The following HLTF variants were observed in gnomAD, a reference collection of about 807,000 sequenced individuals.
HLTF encodes helicase like transcription factor.
Under a neutral mutation model 129.4 loss-of-function variants are expected in HLTF, and 127 were observed. The observed-to-expected ratio is 0.98, with a 90% CI of 0.85 to 1.14. The LOEUF (loss-of-function observed/expected upper bound fraction) is 1.14, where lower values mean the gene tolerates loss of function less well. Ranked by LOEUF, HLTF falls within the 50% of genes most tolerant of loss-of-function variation. The pLI is 0.00. For synonymous variants in HLTF, 332 were observed against 388.8 expected, an observed-to-expected ratio of 0.85 and a Z score of 1.72; for missense variants, 1,139 against 1,187.1, an observed-to-expected ratio of 0.96 and a Z score of 0.60.
chr3:149,057,046 C>G (rs1717505235), intron 13 of HLTF, among the ~76,000 whole-genome samples: 2 of 132,892 alleles, frequency 1.5e-5, no homozygotes, highest in Non-Finnish European at 3.1e-5. Flanking sequence ...GGGGGCGGAG[C>G]CTGCAGTGAG....
intron 2 of HLTF, among the ~76,000 whole-genome samples, chr3:149,084,439 TACCC>T: frequency 1.3e-5 from 2 of 152,122 alleles, no homozygotes; most frequent in African/African-American, 4.8e-5. Context: ...GGTGGGGTGC[TACCC>T]ATAATAACCA....
At chr3:149,066,105 G>A (rs144295287) in intron 8 of HLTF, among the ~76,000 whole-genome samples, 2,883 of 151,512 alleles carry the variant, frequency 0.019, 87 homozygotes, top group African/African-American at 0.064. Flanking sequence ...GGAGTGCAAC[G>A]GCACAATCTC....
intron 4 of HLTF, 49 bp from the exon 5 acceptor site, chr3:149,073,371 T>G: frequency 1.5e-6 from 2 of 1,298,834 alleles, no homozygotes; most frequent in Non-Finnish European, 2.2e-6. Flanking sequence ...AAAGTAGGTT[T>G]TTATCTTTTA....
rs778788754 is a variant in HLTF, at chr3:149,059,803, T to G, written c.1290A>C (p.Gly430=). Residue 430 remains glycine (G), a synonymous_variant, in exon 13 of 25, where the codon GGA becomes GGC. Transcript: ENST00000310053. ...QSETKGRAKA[G]SSKVIEDVAF... Reference sequence around the variant, plus strand: ...CCACATCTTCTATAACCTTAGAAGATCCTGCTGATAAAACAACAAAGAATC... The same window carrying G: ...CCACATCTTCTATAACCTTAGAAGAGCCTGCTGATAAAACAACAAAGAATC... 1 of 1,589,048 alleles carries G rather than the reference T, an allele frequency of 6.3e-7. No homozygotes were observed. The highest frequency in any genetic ancestry group is 1.4e-5 in the African/African-American group (1 of 73,846).
intron 10 of HLTF, among the ~76,000 whole-genome samples, chr3:149,061,636 G>A (rs1035772761): frequency 6.6e-6 from 1 of 151,634 alleles, no homozygotes; most frequent in Non-Finnish European, 1.5e-5. Context: ...AGGAGTTTGA[G>A]ACCAGACTGG....
chr3:149,086,493 G>C lies in HLTF; in HGVS notation c.-157C>G, dbSNP rs139489406. Reference sequence around the variant, plus strand: ...ACGACTGAAAGGTAAGTCGCCGCGAGTCCAGTCAGACGTCGACGCCGTCTC... The same window carrying C: ...ACGACTGAAAGGTAAGTCGCCGCGACTCCAGTCAGACGTCGACGCCGTCTC... On this transcript the variant is annotated 5_prime_UTR_variant, in exon 1 of 25. Transcript: ENST00000310053. 2.3e-4 allele frequency: 174 copies of C among 753,262 alleles called. 1 individual carries two copies. The East Asian group carries it at 4.0e-3, about 17-fold the overall frequency. 46.7% of individuals were successfully genotyped at this position (753,262 alleles called of 1,614,324 possible).
At chr3:149,039,451 T>C in intron 22 of HLTF, 130 bp downstream of exon 22, 1 of 609,690 alleles carries the variant, frequency 1.6e-6, no homozygotes, top group East Asian at 3.0e-5. Context: ...TTCTCTATTG[T>C]GACTCTGAAT....
At chr3:149,072,019 C>G (rs907497634) in intron 5 of HLTF, among the ~76,000 whole-genome samples, 2 of 152,100 alleles carry the variant, frequency 1.3e-5, no homozygotes, top group African/African-American at 4.8e-5. Context: ...TGCCACTGCA[C>G]TCCAGCCTGG....
chr3:149,057,017 G>C (rs1190865821), intron 13 of HLTF, among the ~76,000 whole-genome samples: 2 of 147,490 alleles, frequency 1.4e-5, no homozygotes, highest in Non-Finnish European at 1.5e-5. Flanking sequence ...GCTGAGGCAG[G>C]AGAATGGCGT....
intron 18 of HLTF, among the ~76,000 whole-genome samples, chr3:149,043,988 T>C (rs1258495382): frequency 6.6e-6 from 1 of 152,154 alleles, no homozygotes; most frequent in East Asian, 1.9e-4. Flanking sequence ...AACAAACATT[T>C]CTGAATATTC....
intron 24 of HLTF, among the ~76,000 whole-genome samples, chr3:149,033,814 A>G (rs568125160): frequency 6.6e-6 from 1 of 152,266 alleles, no homozygotes; most frequent in East Asian, 1.9e-4. Flanking sequence ...GTGAAAATAA[A>G]GCCTTCTGTC....
chr3:149,061,078 ATTG>A (rs1182688277), intron 10 of HLTF, among the ~76,000 whole-genome samples: 3 of 152,144 alleles, frequency 2.0e-5, no homozygotes, highest in Middle Eastern at 3.2e-3. Flanking sequence ...TACCACCGTT[ATTG>A]TTTTTTGAGA....
chr3:149,051,581 C>T (rs1717000655), intron 14 of HLTF, among the ~76,000 whole-genome samples: 1 of 152,162 alleles, frequency 6.6e-6, no homozygotes, highest in Non-Finnish European at 1.5e-5. Flanking sequence ...ATATTCCAGG[C>T]CAGGTGCAGT....
intron 23 of HLTF, among the ~76,000 whole-genome samples, chr3:149,036,595 C>A (rs991432118): frequency 6.6e-6 from 1 of 151,806 alleles, no homozygotes; most frequent in Non-Finnish European, 1.5e-5. Flanking sequence ...GGCCATATTA[C>A]CCCAATACTT....
chr3:149,032,957 CAAAAAAA>C (rs67952189), intron 24 of HLTF, among the ~76,000 whole-genome samples: 5 of 67,708 alleles, frequency 7.4e-5, no homozygotes, highest in South Asian at 5.6e-4. Flanking sequence ...AGCGACGTCT[CAAAAAAA>C]AAAAAAAAAA....
intron 23 of HLTF, among the ~76,000 whole-genome samples, chr3:149,035,741 G>C (rs550069693): frequency 1.3e-5 from 2 of 149,954 alleles, no homozygotes; most frequent in Non-Finnish European, 3.0e-5. Flanking sequence ...GCTATTTTCT[G>C]TATCAGTATT....
At chr3:149,042,748 C>T (rs1716235297) in intron 18 of HLTF, among the ~76,000 whole-genome samples, 1 of 152,046 alleles carries the variant, frequency 6.6e-6, no homozygotes, top group East Asian at 1.9e-4. Flanking sequence ...ACTATGGGCA[C>T]AGCACTCTAC....
At position 149,043,891 on chromosome 3, in the gene HLTF, C is replaced by T. The variant is rs1457605; in HGVS notation, c.2073-1601G>A. ...ACAACTACTGTTATTTAATTTAATA[C>T]ATGTAAAGTATTTAAAATAGTGCCT... On this transcript the variant is annotated intron_variant, in intron 18 of 24. Coordinates refer to ENST00000310053, the MANE Select transcript of HLTF (RefSeq NM_003071.4). 4.5e-3 allele frequency among the ~76,000 whole-genome samples: 678 copies of T among 152,228 alleles called. 8 individuals carry two copies. The highest frequency in any genetic ancestry group is 0.015 in the African/African-American group (640 of 41,542).
rs552903048 is a variant in HLTF at position 149,036,619 on chromosome 3, T to C, written c.2797-1621A>G. ...ACCCCAATACTTATACAATGTTCAA[T>C]GAAAAGGTAAAAGAAAGCTGGGCAC... On this transcript the variant is annotated intron_variant, in intron 23 of 24. Transcript: ENST00000310053. Among the ~76,000 whole-genome samples the C allele has an allele frequency of 2.4e-4, 37 of 152,032 alleles. 1 individual carries two copies. In the South Asian group the frequency reaches 7.5e-3, roughly 31 times the overall value.
Sources: allele counts gnomAD v4.1 joint callset (sites outside exome capture counted in the v4.1 genomes callset), GRCh38; gene constraint gnomAD v4.1.1; transcripts MANE v1.5; gene names NCBI Gene and HGNC (gene_info 2026-07-23, HGNC 2026-07-21).